Variants in ARB2A observed in about 807,000 individuals in gnomAD.
The protein encoded by ARB2A is ARB2 cotranscriptional regulator A.
the ARB2A span, among the ~76,000 whole-genome samples, chr5:93,694,153 AC>A: frequency 6.6e-6 from 1 of 152,132 alleles, no homozygotes; most frequent in Non-Finnish European, 1.5e-5. Context: ...CTCTCTCACA[AC>A]TCCTATTCAA....
the ARB2A span, among the ~76,000 whole-genome samples, chr5:93,769,440 TTGTTTCTATTTGAA>T: frequency 6.6e-6 from 1 of 152,154 alleles, no homozygotes; most frequent in Non-Finnish European, 1.5e-5. Flanking sequence ...CAACCTTTGG[TTGTTTCTATTTGAA>T]TTTCCTGCCA....
At chr5:93,983,169 A>AGG in the ARB2A span, among the ~76,000 whole-genome samples, 1 of 120,722 alleles carries the variant, frequency 8.3e-6, no homozygotes. Context: ...GGCTGTGGAG[A>AGG]GGTGTGTGTG....
chr5:93,759,547 C>G, the ARB2A span, among the ~76,000 whole-genome samples: 2 of 152,222 alleles, frequency 1.3e-5, no homozygotes, highest in Admixed American at 1.3e-4. Flanking sequence ...GAGAATCCAC[C>G]ATGATCACGT....
chr5:93,743,479 T>C, the ARB2A span: 2 of 931,462 alleles, frequency 2.1e-6, no homozygotes, highest in Non-Finnish European at 2.6e-6. Flanking sequence ...GCTTGCAATA[T>C]ACAGAAGTTC....
chr5:93,755,362 TC>T, the ARB2A span, among the ~76,000 whole-genome samples: 1 of 152,154 alleles, frequency 6.6e-6, no homozygotes, highest in Non-Finnish European at 1.5e-5. Flanking sequence ...TGAGAATTGG[TC>T]TTTAGAGGAG....
At chr5:93,998,161 C>T in the ARB2A span, among the ~76,000 whole-genome samples, 1 of 151,914 alleles carries the variant, frequency 6.6e-6, no homozygotes, top group Non-Finnish European at 1.5e-5. Context: ...AATGAGAAGG[C>T]CCATCTGCAC....
At chr5:93,644,637 A>G in the ARB2A span, among the ~76,000 whole-genome samples, 1 of 152,190 alleles carries the variant, frequency 6.6e-6, no homozygotes, top group South Asian at 2.1e-4. Context: ...TTTCCATTAA[A>G]TTTCTGCAGG....
the ARB2A span, chr5:93,741,031 C>T: frequency 3.1e-6 from 5 of 1,613,830 alleles, no homozygotes; most frequent in Non-Finnish European, 4.2e-6. Flanking sequence ...TCGCAGCTTC[C>T]ACATGTTGGC....
the ARB2A span, among the ~76,000 whole-genome samples, chr5:94,043,148 A>G: frequency 2.0e-5 from 3 of 152,128 alleles, no homozygotes; most frequent in Non-Finnish European, 1.5e-5. Flanking sequence ...ACATCAGAAT[A>G]GAGGAAAAAA....
the ARB2A span, among the ~76,000 whole-genome samples, chr5:93,824,861 CTT>C: frequency 6.6e-6 from 1 of 152,206 alleles, no homozygotes; most frequent in Admixed American, 6.5e-5. Flanking sequence ...TCTCAAAACA[CTT>C]TCATAATAAA....
At chr5:93,899,179 C>A in the ARB2A span, among the ~76,000 whole-genome samples, 1 of 151,908 alleles carries the variant, frequency 6.6e-6, no homozygotes, top group African/African-American at 2.4e-5. Flanking sequence ...CTGTAATGAC[C>A]ATATGTCACC....
At chr5:93,747,575 T>C in the ARB2A span, among the ~76,000 whole-genome samples, 1 of 152,200 alleles carries the variant, frequency 6.6e-6, no homozygotes, top group African/African-American at 2.4e-5. Flanking sequence ...TTCAGTCAGC[T>C]TATCAAACTG....
At chr5:94,094,726 GA>G in the ARB2A span, among the ~76,000 whole-genome samples, 1 of 152,124 alleles carries the variant, frequency 6.6e-6, no homozygotes, top group East Asian at 1.9e-4. Context: ...TGCACCTAGA[GA>G]GACAGACAGA....
chr5:93,645,336 G>A, the ARB2A span, among the ~76,000 whole-genome samples: 1 of 152,156 alleles, frequency 6.6e-6, no homozygotes, highest in African/African-American at 2.4e-5. Context: ...CACTTTGGGA[G>A]GCCAAGGCAG....
chr5:94,050,813 ATG>A, the ARB2A span: 1 of 1,611,600 alleles, frequency 6.2e-7, no homozygotes, highest in Non-Finnish European at 8.5e-7. Context: ...CCCAGTTTTT[ATG>A]TGTCTTAACT....
At chr5:93,749,159 C>A in the ARB2A span, among the ~76,000 whole-genome samples, 3 of 151,940 alleles carry the variant, frequency 2.0e-5, no homozygotes, top group Non-Finnish European at 4.4e-5. Flanking sequence ...ACTGCACTGT[C>A]ATGTGTGTTG....
At chr5:93,975,310 C>T in the ARB2A span, among the ~76,000 whole-genome samples, 1 of 137,298 alleles carries the variant, frequency 7.3e-6, no homozygotes, top group Non-Finnish European at 1.6e-5. Flanking sequence ...GAGCAAGACT[C>T]CATCTCAAAA....
chr5:94,023,377 T>C, the ARB2A span, among the ~76,000 whole-genome samples: 1 of 152,150 alleles, frequency 6.6e-6, no homozygotes, highest in Non-Finnish European at 1.5e-5. Context: ...GAAGAAATAA[T>C]AGCTGAAGGT....
chr5:94,094,702 T>C, the ARB2A span, among the ~76,000 whole-genome samples: 1 of 152,136 alleles, frequency 6.6e-6, no homozygotes, highest in Non-Finnish European at 1.5e-5. Flanking sequence ...AGAAAGATGA[T>C]GCAAAGGGTT....
Sources: gnomAD v4.1 joint callset for allele counts (sites outside exome capture counted in the v4.1 genomes callset) on GRCh38, gnomAD v4.1.1 for gene constraint, MANE v1.5 for transcripts, NCBI Gene and HGNC (gene_info 2026-07-23, HGNC 2026-07-21) for gene names.